KANK1: variants seen among roughly 807,000 people sequenced by gnomAD.
The protein encoded by KANK1 is KN motif and ankyrin repeat domains 1, also known as KN motif and ankyrin repeat domain-containing protein 1.
A neutral mutation model predicts 106.2 loss-of-function variants in KANK1; 109 were observed. The ratio of observed to expected loss-of-function variants is 1.03; its 90% CI spans 0.88 to 1.20. The LOEUF is 1.20. Ranked by LOEUF, KANK1 falls within the 50% of genes most tolerant of loss-of-function variation. The probability of loss-of-function intolerance (pLI) is 0.00; values close to 1 mark genes in which losing one functional copy is unlikely to be tolerated. For synonymous variants in KANK1, 873 were observed against 652.2 expected, an observed-to-expected ratio of 1.34 and a Z score of -5.16; for missense variants, 2,399 against 1,710.7, an observed-to-expected ratio of 1.40 and a Z score of -7.10.
rs2059639036 is a variant in KANK1 at position 523,423 on chromosome 9, A to C, written c.-84+18669A>C. On this transcript the variant is annotated intron_variant, in intron 1 of 11. Transcript: ENST00000382297. The stretch of plus-strand genomic sequence containing the variant: ...CCTCTCTCACCTCAATTACTGCACT[A>C]GCCTGATACCTGGACTCTCTGCTTC... Among the ~76,000 whole-genome samples the C allele has an allele frequency of 2.6e-5, 4 of 151,708 alleles. No homozygotes were observed. In the South Asian group the frequency reaches 6.2e-4, roughly 24 times the overall value.
intron 3 of KANK1, among the ~76,000 whole-genome samples, chr9:728,477 G>A (rs1020650616): frequency 1.3e-5 from 2 of 152,236 alleles, no homozygotes; most frequent in Non-Finnish European, 2.9e-5. Context: ...GGGTTAACAG[G>A]CATGAGCCAC....
intron 1 of KANK1, among the ~76,000 whole-genome samples, chr9:648,767 T>C (rs1840271373): frequency 6.6e-6 from 1 of 152,152 alleles, no homozygotes; most frequent in Non-Finnish European, 1.5e-5. Flanking sequence ...TCTAAGACAA[T>C]GCATGTGAAA....
chr9:623,363 G>A (rs751207389), intron 1 of KANK1, among the ~76,000 whole-genome samples: 1 of 152,074 alleles, frequency 6.6e-6, no homozygotes, highest in Non-Finnish European at 1.5e-5. Flanking sequence ...GCCGAGGCAG[G>A]TGGATTGCTT....
At chr9:598,124 T>C (rs1245370233) in intron 1 of KANK1, among the ~76,000 whole-genome samples, 3 of 151,830 alleles carry the variant, frequency 2.0e-5, no homozygotes, top group Non-Finnish European at 4.4e-5. Flanking sequence ...GAAGAGACAG[T>C]ATTTCCCCAT....
chr9:611,678 A>G (rs946141590), intron 1 of KANK1, among the ~76,000 whole-genome samples: 1 of 152,166 alleles, frequency 6.6e-6, no homozygotes, highest in African/African-American at 2.4e-5. Flanking sequence ...TTGATAGTTT[A>G]TCTTCCCAGT....
chr9:713,492 TGAG>T, intron 3 of KANK1, 28 bp downstream of exon 3: 1 of 1,519,626 alleles, frequency 6.6e-7, no homozygotes, highest in Non-Finnish European at 8.8e-7. Context: ...GACCTGGGAA[TGAG>T]GAAGGATGGG....
intron 1 of KANK1, among the ~76,000 whole-genome samples, chr9:553,892 TA>T: frequency 6.6e-6 from 1 of 152,290 alleles, no homozygotes; most frequent in East Asian, 1.9e-4. Flanking sequence ...TTTAAAAAAA[TA>T]TAATTTATAG....
At chr9:693,241 C>T (rs947746315) in intron 2 of KANK1, among the ~76,000 whole-genome samples, 3 of 152,142 alleles carry the variant, frequency 2.0e-5, no homozygotes, top group African/African-American at 4.8e-5. Context: ...AAAGGAACCA[C>T]TTGCCTCCAT....
chr9:571,694 ATGAATG>A (rs1819215099), intron 1 of KANK1, among the ~76,000 whole-genome samples: 1 of 152,204 alleles, frequency 6.6e-6, no homozygotes, highest in African/African-American at 2.4e-5. Context: ...GCTTTTTTGA[ATGAATG>A]CCAGAAATAC....
chr9:622,192 G>T (rs546192453), intron 1 of KANK1, among the ~76,000 whole-genome samples: 1 of 152,114 alleles, frequency 6.6e-6, no homozygotes, highest in Admixed American at 6.5e-5. Context: ...AATTTATTTG[G>T]AACTAATGAC....
At chr9:684,651 C>G (rs1235054232) in intron 2 of KANK1, 1 of 872,688 alleles carries the variant, frequency 1.1e-6, no homozygotes. Context: ...CTGAGCCCAT[C>G]AAAGGTATAG....
intron 1 of KANK1, among the ~76,000 whole-genome samples, chr9:512,375 T>C (rs1314508179): frequency 6.6e-6 from 1 of 152,078 alleles, no homozygotes; most frequent in Non-Finnish European, 1.5e-5. Flanking sequence ...AGAAGAAGAC[T>C]GAAGGAGGTC....
At chr9:570,672 C>G (rs1478205755) in intron 1 of KANK1, among the ~76,000 whole-genome samples, 2 of 152,184 alleles carry the variant, frequency 1.3e-5, no homozygotes, top group Admixed American at 6.5e-5. Context: ...GTAACTTACA[C>G]TAATTGTCAT....
At chr9:730,419 T>C in intron 4 of KANK1, 171 bp downstream of exon 4, 1 of 724,356 alleles carries the variant, frequency 1.4e-6, no homozygotes, top group Non-Finnish European at 2.3e-6. Flanking sequence ...AGGCCGGGCA[T>C]GGTGGCTCAC....
intron 1 of KANK1, among the ~76,000 whole-genome samples, chr9:537,591 A>G (rs2060367963): frequency 6.6e-6 from 1 of 152,150 alleles, no homozygotes; most frequent in Non-Finnish European, 1.5e-5. Context: ...TGCACCTAAG[A>G]TGAAGCCCTG....
At position 603,125 on chromosome 9, in the gene KANK1, A is replaced by C. The variant is rs2804296; in HGVS notation, c.-83-73765A>C. 8.6e-5 allele frequency among the ~76,000 whole-genome samples: 13 copies of C among 151,612 alleles called. No individual in the cohort carries two copies. The East Asian group carries it at 9.6e-4, about 11-fold the overall frequency. On this transcript the variant is annotated intron_variant, in intron 1 of 11. Transcript: ENST00000382297. ...ATAGATCTAAGAGTAGATTTATATC[A>C]GGATTTGAAAGATGAATCTTTTTCA...
intron 1 of KANK1, among the ~76,000 whole-genome samples, chr9:522,002 G>A (rs1388487277): frequency 6.6e-6 from 1 of 151,666 alleles, no homozygotes; most frequent in Non-Finnish European, 1.5e-5. Flanking sequence ...CCCTTTTTTG[G>A]AGAACTGTTA....
intron 1 of KANK1, among the ~76,000 whole-genome samples, chr9:518,085 T>C (rs753285684): frequency 6.6e-6 from 1 of 151,598 alleles, no homozygotes; most frequent in Non-Finnish European, 1.5e-5. Flanking sequence ...TAAAGTAGCC[T>C]TAGTACTGTG....
intron 2 of KANK1, among the ~76,000 whole-genome samples, chr9:689,259 A>G (rs1037827121): frequency 6.6e-6 from 1 of 152,200 alleles, no homozygotes; most frequent in Non-Finnish European, 1.5e-5. Flanking sequence ...AAGCCTTCAC[A>G]TGTGTTTGGG....
Sources: allele counts gnomAD v4.1 joint callset (sites outside exome capture counted in the v4.1 genomes callset), GRCh38; gene constraint gnomAD v4.1.1; transcripts MANE v1.5; gene names NCBI Gene and HGNC (gene_info 2026-07-23, HGNC 2026-07-21).